SORBS2: variants seen among roughly 807,000 people sequenced by gnomAD.
SORBS2 encodes sorbin and SH3 domain containing 2, also known as sorbin and SH3 domain-containing protein 2.
Under a neutral mutation model 97.7 loss-of-function variants are expected in SORBS2, and 46 were observed. That is an observed-to-expected ratio of 0.47 (90% confidence interval 0.37 to 0.60). The LOEUF (loss-of-function observed/expected upper bound fraction) is 0.60, where lower values mean the gene tolerates loss of function less well. Ranked by LOEUF, SORBS2 falls within the 20% of genes least tolerant of loss-of-function variation. The pLI, the probability that SORBS2 is intolerant of heterozygous loss-of-function variation, is 0.00. For missense variants in SORBS2, 1,316 were observed against 1,282.3 expected, an observed-to-expected ratio of 1.03 and a Z score of -0.40; for synonymous variants, 476 against 473.4, an observed-to-expected ratio of 1.01 and a Z score of -0.07.
intron 2 of SORBS2, among the ~76,000 whole-genome samples, chr4:185,721,106 T>TTTTTTTTTTTTTA (rs2098510266): frequency 8.9e-6 from 1 of 111,832 alleles, no homozygotes; most frequent in Non-Finnish European, 2.0e-5. Context: ...TTTTTTTTTT[T>TTTTTTTTTTTTTA]GAGACAGAAT....
intron 1 of SORBS2, among the ~76,000 whole-genome samples, chr4:185,860,256 A>C (rs900452634): frequency 6.6e-6 from 1 of 152,244 alleles, no homozygotes; most frequent in South Asian, 2.1e-4. Flanking sequence ...TAAGGTTGAT[A>C]TGGTTTTTCT....
intron 2 of SORBS2, among the ~76,000 whole-genome samples, chr4:185,695,745 C>T (rs2098166895): frequency 6.6e-6 from 1 of 152,172 alleles, no homozygotes; most frequent in Non-Finnish European, 1.5e-5. Context: ...CTATTATAGT[C>T]AAATGACTTA....
chr4:185,843,653 GA>G (rs150603719), intron 1 of SORBS2, among the ~76,000 whole-genome samples: 12,526 of 152,164 alleles, frequency 0.082, 646 homozygotes, highest in Middle Eastern at 0.17. Flanking sequence ...TTTGTATGCT[GA>G]AAACTATAAA....
At chr4:185,681,026 T>C (rs1240249716) in intron 2 of SORBS2, among the ~76,000 whole-genome samples, 3 of 152,078 alleles carry the variant, frequency 2.0e-5, no homozygotes, top group Non-Finnish European at 4.4e-5. Context: ...CTGAAGGGTC[T>C]TGCATCGCAC....
At chr4:185,946,939 AC>A (rs1262129631) in intron 1 of SORBS2, among the ~76,000 whole-genome samples, 7 of 152,092 alleles carry the variant, frequency 4.6e-5, no homozygotes, top group African/African-American at 1.7e-4. Context: ...ATACAACCAA[AC>A]CTCTCCCTGG....
rs573212952 is a variant in SORBS2, at chr4:185,649,366, G to C, written c.281+101C>G. 3.1e-6 allele frequency: 3 copies of C among 953,470 alleles called. No individual in the cohort carries two copies. In the South Asian group the frequency reaches 6.0e-5, roughly 19 times the overall value. The allele number at this position is 953,470 out of a possible 1,614,324, so 59.1% of individuals were successfully genotyped here. ...TATAGACTAGCAAGATTACACATCC[G>C]CTCTCTCTGTGGCAGGTGCACTGAT... On this transcript the variant is annotated intron_variant, in intron 3 of 14. Transcript: ENST00000418609.
rs1251241407 is a variant in SORBS2 at position 185,678,601 on chromosome 4, T to C, written c.-170-54A>G. ...AAAAATATCTACGTTCACTTAAACATTTTTTATAAAATTTATTTTTATTTC... is the reference window on the plus strand; with the variant it reads ...AAAAATATCTACGTTCACTTAAACACTTTTTATAAAATTTATTTTTATTTC... On this transcript the variant is annotated intron_variant, in intron 3 of 20. Transcript: ENST00000284776. The C allele has an allele frequency of 2.7e-6, 4 of 1,458,602 alleles. No individual in the cohort carries two copies. The Admixed American group carries it at 8.7e-5, about 32-fold the overall frequency. 90.4% of individuals were successfully genotyped at this position (1,458,602 alleles called of 1,614,324 possible).
intron 1 of SORBS2, among the ~76,000 whole-genome samples, chr4:185,854,968 C>A (rs1373414909): frequency 2.0e-5 from 3 of 152,090 alleles, no homozygotes; most frequent in Non-Finnish European, 4.4e-5. Flanking sequence ...ATTTTATATA[C>A]ACACATTTAT....
At chr4:185,628,931 A>T (rs569419109) in intron 5 of SORBS2, among the ~76,000 whole-genome samples, 2 of 152,264 alleles carry the variant, frequency 1.3e-5, no homozygotes, top group Admixed American at 1.3e-4. Context: ...CACATATGGC[A>T]CAGCACACTG....
At chr4:185,678,322 A>G in intron 4 of SORBS2, 101 bp downstream of exon 7, 1 of 1,020,894 alleles carries the variant, frequency 9.8e-7, no homozygotes. Flanking sequence ...CATATTAAAA[A>G]TAAAACGTAT....
intron 1 of SORBS2, among the ~76,000 whole-genome samples, chr4:185,907,288 C>T (rs1157624703): frequency 1.3e-5 from 2 of 152,176 alleles, no homozygotes; most frequent in African/African-American, 4.8e-5. Flanking sequence ...GTCTGTCCAC[C>T]TTAAATGTTT....
chr4:185,846,620 A>G (rs1007404254), intron 1 of SORBS2, among the ~76,000 whole-genome samples: 9 of 152,240 alleles, frequency 5.9e-5, no homozygotes, highest in Non-Finnish European at 8.8e-5. Flanking sequence ...GGGCTTTGGC[A>G]ATCCTATTGG....
chr4:185,890,896 G>T (rs1186236229), intron 1 of SORBS2, among the ~76,000 whole-genome samples: 1 of 152,110 alleles, frequency 6.6e-6, no homozygotes, highest in African/African-American at 2.4e-5. Flanking sequence ...AGAAACATTT[G>T]TATGTTTTAT....
intron 2 of SORBS2, among the ~76,000 whole-genome samples, chr4:185,651,139 A>G (rs1458770153): frequency 6.6e-6 from 1 of 152,192 alleles, no homozygotes; most frequent in African/African-American, 2.4e-5. Flanking sequence ...CCTGGGCAGA[A>G]TCCCGAGGCA....
intron 1 of SORBS2, among the ~76,000 whole-genome samples, chr4:185,952,609 G>A (rs181446737): frequency 6.6e-6 from 1 of 152,310 alleles, no homozygotes; most frequent in African/African-American, 2.4e-5. Flanking sequence ...GGGAGAGTCT[G>A]GAGGGTTGCA....
At chr4:185,857,125 G>C (rs965141806) in intron 1 of SORBS2, among the ~76,000 whole-genome samples, 1 of 152,176 alleles carries the variant, frequency 6.6e-6, no homozygotes, top group South Asian at 2.1e-4. Flanking sequence ...TGATGGACTG[G>C]TGGCTGTTGC....
chr4:185,781,895 G>A (rs530425221), intron 1 of SORBS2, among the ~76,000 whole-genome samples: 7 of 152,274 alleles, frequency 4.6e-5, no homozygotes, highest in East Asian at 1.9e-4. Flanking sequence ...TTTTTAACTC[G>A]TAAAGAATCA....
At chr4:185,685,224 G>A (rs1476288945) in intron 2 of SORBS2, among the ~76,000 whole-genome samples, 1 of 152,172 alleles carries the variant, frequency 6.6e-6, no homozygotes, top group African/African-American at 2.4e-5. Flanking sequence ...TCAAGGATTA[G>A]CTCCATGTCA....
chr4:185,899,658 G>T (rs2099246648), intron 1 of SORBS2, among the ~76,000 whole-genome samples: 1 of 152,186 alleles, frequency 6.6e-6, no homozygotes, highest in Non-Finnish European at 1.5e-5. Flanking sequence ...GTCTAGTTGA[G>T]TCAAGGGCTT....
Sources: allele counts gnomAD v4.1 joint callset (sites outside exome capture counted in the v4.1 genomes callset), GRCh38; gene constraint gnomAD v4.1.1; transcripts MANE v1.5; gene names NCBI Gene and HGNC (gene_info 2026-07-23, HGNC 2026-07-21).